The following AUTS2 variants were observed in gnomAD, a reference collection of about 807,000 sequenced individuals.
AUTS2 encodes autism susceptibility gene 2 protein.
AUTS2 carries 17 observed loss-of-function variants against 112.4 expected under a neutral mutation model. The observed-to-expected ratio is 0.15, with a 90% CI of 0.10 to 0.23. The LOEUF (loss-of-function observed/expected upper bound fraction) is 0.23. Among genes scored for constraint, AUTS2 ranks in the 10% least tolerant of loss-of-function variants. The pLI is 1.00. For synonymous variants in AUTS2, 751 were observed against 702.7 expected (o/e 1.07, Z -1.09); for missense variants, 1,510 against 1,701.6 (o/e 0.89, Z 1.98).
intron 4 of AUTS2, among the ~76,000 whole-genome samples, chr7:70,427,864 C>G (rs1795497671): frequency 6.6e-6 from 1 of 152,158 alleles, no homozygotes; most frequent in African/African-American, 2.4e-5. Context: ...TGAGAACTCC[C>G]CATTCAGAAA....
At chr7:70,646,823 G>C (rs967634517) in intron 5 of AUTS2, among the ~76,000 whole-genome samples, 1 of 152,238 alleles carries the variant, frequency 6.6e-6, no homozygotes, top group Non-Finnish European at 1.5e-5. Flanking sequence ...CCAGAAGCTG[G>C]GGCCAGGACC....
intron 2 of AUTS2, among the ~76,000 whole-genome samples, chr7:69,907,004 T>C (rs761656923): frequency 8.6e-5 from 13 of 151,968 alleles, no homozygotes; most frequent in Non-Finnish European, 1.3e-4. Context: ...TTTCTTGGGA[T>C]GCTGAAGTGG....
At chr7:70,153,823 T>C (rs974669867) in intron 4 of AUTS2, among the ~76,000 whole-genome samples, 1 of 152,222 alleles carries the variant, frequency 6.6e-6, no homozygotes, top group Non-Finnish European at 1.5e-5. Flanking sequence ...CAAAAATTCA[T>C]GATTGGGCTT....
chr7:70,390,636 G>A lies in AUTS2; in HGVS notation c.661-45116G>A, dbSNP rs751889819. On this transcript the variant is annotated intron_variant, in intron 4 of 18. Coordinates refer to ENST00000342771, the MANE Select transcript of AUTS2 (RefSeq NM_015570.4). The stretch of plus-strand genomic sequence containing the variant: ...AGTTGAAGGAAAACAAATGGAAGAA[G>A]TTTTAAGATGCATTCATTCTGTCAA... Among the ~76,000 whole-genome samples, 56 of 152,104 alleles carry A rather than the reference G, an allele frequency of 3.7e-4. No homozygotes were observed. In the Middle Eastern group the frequency reaches 0.01, roughly 28 times the overall value.
intron 18 of AUTS2, among the ~76,000 whole-genome samples, chr7:70,787,913 C>T (rs978538334): frequency 6.6e-6 from 1 of 152,102 alleles, no homozygotes; most frequent in African/African-American, 2.4e-5. Flanking sequence ...AACTCAAAGC[C>T]TGGGGCTCAC....
At chr7:69,625,408 G>A (rs1231806977) in intron 1 of AUTS2, among the ~76,000 whole-genome samples, 1 of 152,124 alleles carries the variant, frequency 6.6e-6, no homozygotes, top group Admixed American at 6.5e-5. Context: ...GGGAGGGCTT[G>A]GTGGAAGGGC....
intron 1 of AUTS2, among the ~76,000 whole-genome samples, chr7:69,834,591 A>G (rs1791642165): frequency 6.6e-6 from 1 of 152,246 alleles, no homozygotes; most frequent in South Asian, 2.1e-4. Flanking sequence ...GGTGTGTTAC[A>G]TTCTGTGTGT....
At chr7:69,719,221 T>C (rs537630658) in intron 1 of AUTS2, among the ~76,000 whole-genome samples, 1 of 152,338 alleles carries the variant, frequency 6.6e-6, no homozygotes, top group Non-Finnish European at 1.5e-5. Context: ...TAAATCTAAT[T>C]TCTTCTTTCA....
At chr7:69,921,582 A>G (rs1359539407) in intron 2 of AUTS2, among the ~76,000 whole-genome samples, 1 of 144,906 alleles carries the variant, frequency 6.9e-6, no homozygotes, top group Non-Finnish European at 1.5e-5. Flanking sequence ...AGCCTGGCCA[A>G]CATGGTAAAA....
intron 1 of AUTS2, among the ~76,000 whole-genome samples, chr7:69,746,908 G>C (rs1259404149): frequency 6.6e-6 from 1 of 152,206 alleles, no homozygotes; most frequent in Non-Finnish European, 1.5e-5. Context: ...CATTGCAGGT[G>C]TGGACCTTGG....
At chr7:70,308,927 A>G (rs1443298187) in intron 4 of AUTS2, among the ~76,000 whole-genome samples, 2 of 152,210 alleles carry the variant, frequency 1.3e-5, no homozygotes, top group Non-Finnish European at 2.9e-5. Context: ...TTTCGGGTCT[A>G]TAGGGGTGCA....
chr7:69,921,360 A>G lies in AUTS2; in HGVS notation c.522+21862A>G, dbSNP rs552161486. Among the ~76,000 whole-genome samples, 10 of 141,364 alleles carry G rather than the reference A, an allele frequency of 7.1e-5. No individual in the cohort carries two copies. The South Asian group carries it at 2.2e-3, about 32-fold the overall frequency. 92.7% of individuals were successfully genotyped at this position (141,364 alleles called of 152,430 possible). On this transcript the variant is annotated intron_variant, in intron 2 of 18. Coordinates refer to ENST00000342771, the MANE Select transcript of AUTS2 (RefSeq NM_015570.4). ...TTTTTTTTTTTTTTTTTTAACCGTA[A>G]TAACTAGGAAAAGTAGAAAAGTTAA...
chr7:70,705,870 G>T (rs1585541397), intron 6 of AUTS2, among the ~76,000 whole-genome samples: 1 of 152,162 alleles, frequency 6.6e-6, no homozygotes, highest in East Asian at 1.9e-4. Flanking sequence ...CCCTCGTGGG[G>T]TGCTCTGATA....
At chr7:70,311,537 G>A (rs1789750605) in intron 4 of AUTS2, among the ~76,000 whole-genome samples, 1 of 152,112 alleles carries the variant, frequency 6.6e-6, no homozygotes, top group African/African-American at 2.4e-5. Context: ...ATCTCTTTTT[G>A]TTGTTGTTTT....
chr7:70,101,285 C>A lies in AUTS2; in HGVS notation c.523-16847C>A, dbSNP rs543295399. On this transcript the variant is annotated intron_variant, in intron 2 of 18. Coordinates refer to ENST00000342771, the MANE Select transcript of AUTS2 (RefSeq NM_015570.4). The stretch of plus-strand genomic sequence containing the variant: ...TTGCTTAATTGCTAATTTTCTTATG[C>A]TAATTGATGTTTTTCTATAAAACCA... Among the ~76,000 whole-genome samples the A allele has an allele frequency of 2.8e-4, 43 of 151,872 alleles. 1 individual carries two copies. In the South Asian group the frequency reaches 8.8e-3, roughly 31 times the overall value.
intron 4 of AUTS2, among the ~76,000 whole-genome samples, chr7:70,419,152 A>T (rs1795111173): frequency 6.6e-6 from 1 of 152,122 alleles, no homozygotes; most frequent in Non-Finnish European, 1.5e-5. Flanking sequence ...GATTTTTTTT[A>T]AACTTCCCTA....
intron 4 of AUTS2, among the ~76,000 whole-genome samples, chr7:70,409,952 A>T (rs901674981): frequency 1.3e-5 from 2 of 152,210 alleles, no homozygotes; most frequent in African/African-American, 4.8e-5. Context: ...ACGCACTTGA[A>T]CAGTGTTCAC....
chr7:70,550,818 C>T (rs967720200), intron 5 of AUTS2, among the ~76,000 whole-genome samples: 6 of 152,100 alleles, frequency 3.9e-5, no homozygotes, highest in Admixed American at 2.6e-4. Context: ...ACTGAGATGG[C>T]CTGAAAGAAA....
Position 69,627,822 on chromosome 7 carries a change from A to G in AUTS2, c.309+27860A>G, listed in dbSNP as rs548233586. On this transcript the variant is annotated intron_variant, in intron 1 of 18. Transcript: ENST00000342771. ...TCAGTTTCCTTGTGTATAAAATGGAATAATAGTAATGCAACCCTCACAGGT... is the reference window on the plus strand; with the variant it reads ...TCAGTTTCCTTGTGTATAAAATGGAGTAATAGTAATGCAACCCTCACAGGT... Among the ~76,000 whole-genome samples, 64 of 152,354 alleles carry G rather than the reference A, an allele frequency of 4.2e-4. 1 individual carries two copies. Among genetic ancestry groups the G allele is most frequent in the African/African-American group, 1.1e-3 (46 of 41,586 alleles).
Sources: allele counts gnomAD v4.1 joint callset (sites outside exome capture counted in the v4.1 genomes callset), GRCh38; gene constraint gnomAD v4.1.1; transcripts MANE v1.5; gene names NCBI Gene and HGNC (gene_info 2026-07-23, HGNC 2026-07-21).